GNS: variants seen among roughly 807,000 people sequenced by gnomAD.
GNS encodes N-acetylglucosamine-6-sulfatase.
In GNS, 40 loss-of-function variants were observed where a neutral mutation model predicts 69.7. The observed-to-expected ratio is 0.57, with a 90% CI of 0.45 to 0.75. The LOEUF is 0.75. Among genes scored for constraint, GNS ranks in the 30% least tolerant of loss-of-function variants. GNS has a pLI of 0.00. For missense variants in GNS, 565 were observed against 685.5 expected, an observed-to-expected ratio of 0.82 and a Z score of 1.96; for synonymous variants, 243 against 251.6, an observed-to-expected ratio of 0.97 and a Z score of 0.32.
At chr12:64,737,174 T>C in intron 8 of GNS, 67 bp from the exon 9 acceptor site, 1 of 882,820 alleles carries the variant, frequency 1.1e-6, no homozygotes, top group African/African-American at 1.6e-5. Context: ...TATGTTTCAC[T>C]CATTTAATCC....
intron 13 of GNS, 38 bp downstream of exon 13, chr12:64,719,984 A>C (rs1868974642): frequency 6.6e-7 from 1 of 1,517,460 alleles, no homozygotes; most frequent in Admixed American, 1.7e-5. Context: ...TCTACTAGAA[A>C]AAACTTGGCC....
At chr12:64,753,044 G>C in intron 1 of GNS, 1 of 456,946 alleles carries the variant, frequency 2.2e-6, no homozygotes, top group Non-Finnish European at 3.9e-6. Flanking sequence ...AGATAAGGCA[G>C]ATAGGGCAGA....
At chr12:64,733,744 C>T (rs1045732160) in intron 9 of GNS, among the ~76,000 whole-genome samples, 1 of 152,194 alleles carries the variant, frequency 6.6e-6, no homozygotes, top group Non-Finnish European at 1.5e-5. Flanking sequence ...GCCAACAGGT[C>T]GTCTTCCTGA....
rs1869698300 is a variant in GNS at position 64,740,506 on chromosome 12, T to G, written c.875+100A>C. 4 of 776,528 alleles carry G rather than the reference T, an allele frequency of 5.2e-6. No individual in the cohort carries two copies. The South Asian group carries it at 5.5e-5, about 11-fold the overall frequency. 48.1% of individuals were successfully genotyped at this position (776,528 alleles called of 1,614,324 possible). On this transcript the variant is annotated intron_variant, in intron 7 of 13. Transcript: ENST00000258145. The stretch of plus-strand genomic sequence containing the variant: ...CTCCCACTGACTTGCTTCCCTCTGT[T>G]TTTGTTTCAGAGACAACAATGTGGT...
intron 8 of GNS, among the ~76,000 whole-genome samples, chr12:64,739,148 C>T (rs751005736): frequency 4.6e-5 from 7 of 152,156 alleles, no homozygotes; most frequent in Non-Finnish European, 8.8e-5. Context: ...TCATGCTCTG[C>T]TCCCACTCCT....
chr12:64,743,408 G>A, intron 5 of GNS, 100 bp from the exon 6 acceptor site: 1 of 821,592 alleles, frequency 1.2e-6, no homozygotes, highest in Non-Finnish European at 2.1e-6. Context: ...GGTCTTACTA[G>A]CTTTTAAGCA....
intron 11 of GNS, 103 bp from the exon 12 acceptor site, chr12:64,721,808 T>G: frequency 4.0e-6 from 3 of 751,690 alleles, no homozygotes; most frequent in Non-Finnish European, 7.3e-6. Flanking sequence ...GGACATGCAA[T>G]TTGACAGCAA....
intron 9 of GNS, 100 bp downstream of exon 9, chr12:64,736,904 G>C: frequency 1.3e-6 from 1 of 756,172 alleles, no homozygotes; most frequent in Non-Finnish European, 2.4e-6. Context: ...CTCAGCCCTA[G>C]TGGGAAGAGG....
In GNS at chr12:64,716,471, AG is replaced by A. The variant is rs1215605868; in HGVS notation, c.*269del. ...CAAGAACTGTGGCCCCAGGATAAAA[AG>A]AATACAGTGAGAACAAAGACCTCAG... On this transcript the variant is annotated 3_prime_UTR_variant, in exon 14 of 14. Coordinates refer to ENST00000258145, the MANE Select transcript of GNS (RefSeq NM_002076.4). 3.6e-5 allele frequency: 18 copies of A among 498,636 alleles called. No individual in the cohort carries two copies. The highest frequency in any genetic ancestry group is 4.0e-5 in the Non-Finnish European group (11 of 273,406). The allele number at this position is 498,636 out of a possible 1,614,324, so 30.9% of individuals were successfully genotyped here.
chr12:64,753,322 C>T (rs978460185), intron 1 of GNS, among the ~76,000 whole-genome samples: 1 of 152,200 alleles, frequency 6.6e-6, no homozygotes, highest in African/African-American at 2.4e-5. Flanking sequence ...ACACAGAACA[C>T]TGTCAGGCAA....
chr12:64,733,468 C>T (rs548255963), intron 9 of GNS, among the ~76,000 whole-genome samples: 14 of 152,120 alleles, frequency 9.2e-5, no homozygotes, highest in Non-Finnish European at 1.8e-4. Flanking sequence ...ACACCCAAAC[C>T]CTGATGTTGA....
Position 64,739,585 on chromosome 12 carries a change from A to C in GNS, c.876-86T>G, listed in dbSNP as rs565444313. The C allele has an allele frequency of 2.6e-4, 187 of 718,084 alleles. No homozygotes were observed. In the East Asian group the frequency reaches 4.4e-3, roughly 17 times the overall value. 44.5% of individuals were successfully genotyped at this position (718,084 alleles called of 1,614,324 possible). Reference sequence around the variant, plus strand: ...TTGCCAAAAAAAAAAAAAACCAAAAACAAAAACAAAGACACCCCCGTTTAA... The same window carrying C: ...TTGCCAAAAAAAAAAAAAACCAAAACCAAAAACAAAGACACCCCCGTTTAA... On this transcript the variant is annotated intron_variant, in intron 7 of 13. Coordinates refer to ENST00000258145, the MANE Select transcript of GNS (RefSeq NM_002076.4).
At chr12:64,755,382 A>G (rs1870217053) in intron 1 of GNS, among the ~76,000 whole-genome samples, 1 of 152,028 alleles carries the variant, frequency 6.6e-6, no homozygotes. Context: ...GTTCAAGATC[A>G]GCCTGGCCAA....
At chr12:64,733,583 T>C (rs1240751099) in intron 9 of GNS, among the ~76,000 whole-genome samples, 1 of 152,162 alleles carries the variant, frequency 6.6e-6, no homozygotes, top group Admixed American at 6.6e-5. Flanking sequence ...CAGAATCCCA[T>C]ATCTTGGTTG....
intron 10 of GNS, among the ~76,000 whole-genome samples, chr12:64,727,876 C>G (rs1869258184): frequency 6.6e-6 from 1 of 152,036 alleles, no homozygotes; most frequent in Non-Finnish European, 1.5e-5. Flanking sequence ...GATGGTTGTA[C>G]CACTCTGAAT....
At chr12:64,732,941 A>G (rs1869450154) in intron 9 of GNS, among the ~76,000 whole-genome samples, 1 of 152,176 alleles carries the variant, frequency 6.6e-6, no homozygotes, top group Non-Finnish European at 1.5e-5. Context: ...CAGGTTGAGA[A>G]TGTTCTTAGG....
chr12:64,724,789 C>CGGCAGAG (rs1422997146), intron 10 of GNS, among the ~76,000 whole-genome samples: 19 of 152,180 alleles, frequency 1.2e-4, no homozygotes, highest in African/African-American at 4.6e-4. Flanking sequence ...TGAACCCGGA[C>CGGCAGAG]GGCAGAGGTT....
intron 9 of GNS, among the ~76,000 whole-genome samples, chr12:64,730,458 G>C (rs1444560799): frequency 2.8e-5 from 2 of 70,902 alleles, no homozygotes; most frequent in Non-Finnish European, 5.6e-5. Context: ...AAAAAAAAAA[G>C]CTTCAGAATA....
Position 64,747,698 on chromosome 12 carries a change from A to T in GNS, c.459+14T>A, listed in dbSNP as rs78614637. ...AAAGCCATTATAAAAAAAGAAACAG[A>T]TCATTCAACATACCTCATTTAAATA... On this transcript the variant is annotated intron_variant, in intron 3 of 13. Transcript: ENST00000258145. 1.5e-6 allele frequency: 2 copies of T among 1,353,820 alleles called. No homozygotes were observed. The highest frequency in any genetic ancestry group is 2.9e-5 in the African/African-American group (2 of 70,058). The allele number at this position is 1,353,820 out of a possible 1,614,324, so 83.9% of individuals were successfully genotyped here. A position where few individuals can be genotyped will look rare whatever the true frequency, so the allele number is the denominator to read the frequency against.
Sources: gnomAD v4.1 joint callset for allele counts (sites outside exome capture counted in the v4.1 genomes callset) on GRCh38, gnomAD v4.1.1 for gene constraint, MANE v1.5 for transcripts, NCBI Gene and HGNC (gene_info 2026-07-23, HGNC 2026-07-21) for gene names.